The following PLXNC1 variants were observed in gnomAD, a reference collection of about 807,000 sequenced individuals.
PLXNC1 encodes plexin C1.
Under a neutral mutation model 178.2 loss-of-function variants are expected in PLXNC1, and 75 were observed. The observed-to-expected ratio is 0.42, with a 90% confidence interval of 0.35 to 0.51. PLXNC1 has a LOEUF of 0.51. Among genes scored for constraint, PLXNC1 ranks in the 20% least tolerant of loss-of-function variants. The pLI is 0.02. For missense variants in PLXNC1, 1,503 were observed against 1,984.4 expected, an observed-to-expected ratio of 0.76 and a Z score of 4.61; for synonymous variants, 790 against 779.9, an observed-to-expected ratio of 1.01 and a Z score of -0.22.
In PLXNC1 at chr12:94,181,524, A is replaced by G. The variant is rs1962305241; in HGVS notation, c.1282A>G (p.Lys428Glu). The G allele has an allele frequency of 1.9e-6, 3 of 1,608,164 alleles. No individual in the cohort carries two copies. Among genetic ancestry groups the G allele is most frequent in the Admixed American group, 3.3e-5 (2 of 59,970 alleles). The change falls in exon 3 of 31, where the codon AAA (lysine) becomes GAA (glutamate). Residue 428 changes from lysine (K) to glutamate (E), a missense_variant. Lys to Glu is a moderately conservative substitution (Grantham distance 56). Coordinates refer to ENST00000258526, the MANE Select transcript of PLXNC1 (RefSeq NM_005761.3). ...EIKEETPVFY[K>E]LVPDPVKNIY... ...TAAAGAAGAGACACCTGTTTTCTAC[A>G]AACTCGTTCCTGATCCTGTGAAGAA...
rs147842145 is a variant in PLXNC1, at chr12:94,191,063, C to T, written c.1439+4590C>T. Among the ~76,000 whole-genome samples the T allele has an allele frequency of 1.6e-4, 25 of 152,314 alleles. No individual in the cohort carries two copies. The East Asian group carries it at 4.1e-3, about 25-fold the overall frequency. On this transcript the variant is annotated intron_variant, in intron 4 of 30. Coordinates refer to ENST00000258526, the MANE Select transcript of PLXNC1 (RefSeq NM_005761.3). The stretch of plus-strand genomic sequence containing the variant: ...CTTTATTGAAATGTGCTCAGAAAAA[C>T]ATAAGTTAAATGAATGAGATAGGCT...
intron 23 of PLXNC1, among the ~76,000 whole-genome samples, chr12:94,283,925 A>G (rs1966640324): frequency 6.6e-6 from 1 of 152,090 alleles, no homozygotes; most frequent in Admixed American, 6.5e-5. Flanking sequence ...CTCTAAAAAT[A>G]CAAAAAAATT....
intron 12 of PLXNC1, among the ~76,000 whole-genome samples, chr12:94,246,027 A>G (rs1238886848): frequency 6.6e-6 from 1 of 152,212 alleles, no homozygotes; most frequent in Non-Finnish European, 1.5e-5. Flanking sequence ...GCAGTAGACT[A>G]GGGAAAGGGG....
At chr12:94,195,332 C>T (rs192291437) in intron 4 of PLXNC1, among the ~76,000 whole-genome samples, 1 of 152,272 alleles carries the variant, frequency 6.6e-6, no homozygotes, top group East Asian at 1.9e-4. Flanking sequence ...ACATCTCGTC[C>T]TGAGTCAGTT....
In PLXNC1 at chr12:94,271,018, T is replaced by G. The variant is rs527476633; in HGVS notation, c.3597+5793T>G. Among the ~76,000 whole-genome samples the G allele has an allele frequency of 1.3e-3, 200 of 152,300 alleles. 2 individuals carry two copies. The highest frequency in any genetic ancestry group is 4.6e-3 in the African/African-American group (193 of 41,566). On this transcript the variant is annotated intron_variant, in intron 21 of 30. Transcript: ENST00000258526. ...TTAGATCAGAAGTTTCCCTCAGACT[T>G]GCACTTCTAACTGGCCTCATGCTGC... is the stretch of plus-strand genomic sequence containing the variant.
intron 1 of PLXNC1, among the ~76,000 whole-genome samples, chr12:94,159,100 C>G (rs1030516660): frequency 6.6e-6 from 1 of 152,160 alleles, no homozygotes; most frequent in Non-Finnish European, 1.5e-5. Context: ...TTCTTGAGCT[C>G]CTATTATGTG....
intron 9 of PLXNC1, among the ~76,000 whole-genome samples, chr12:94,228,314 G>A (rs1208740847): frequency 6.6e-6 from 1 of 152,194 alleles, no homozygotes; most frequent in Non-Finnish European, 1.5e-5. Flanking sequence ...CTAAGACACA[G>A]CGACAAGGAC....
intron 5 of PLXNC1, among the ~76,000 whole-genome samples, chr12:94,210,109 GT>G (rs1565811228): frequency 6.6e-6 from 1 of 152,204 alleles, no homozygotes; most frequent in Non-Finnish European, 1.5e-5. Context: ...TTTGTTTAGT[GT>G]AATGGTCCCT....
At chr12:94,275,854 C>CA (rs34551603) in intron 21 of PLXNC1, among the ~76,000 whole-genome samples, 655 of 23,026 alleles carry the variant, frequency 0.028, 87 homozygotes, top group African/African-American at 0.062. Context: ...GACTCCGTCT[C>CA]AAAAAAAAAA....
At position 94,265,066 on chromosome 12, in the gene PLXNC1, T is replaced by G; in HGVS notation, c.3451-13T>G. On this transcript the variant is annotated splice_polypyrimidine_tract_variant and intron_variant, in intron 20 of 30. Transcript: ENST00000258526. ...CACAGAAAGCTAACTGTCACTTTTG[T>G]GTCTTTTCCAAGGAGACTGTCGGAG... 6.2e-7 allele frequency: 1 copy of G among 1,613,042 alleles called. No individual in the cohort carries two copies.
At chr12:94,249,788 G>A (rs938654117) in intron 14 of PLXNC1, among the ~76,000 whole-genome samples, 46 of 152,098 alleles carry the variant, frequency 3.0e-4, no homozygotes, top group African/African-American at 8.7e-4. Flanking sequence ...GAGAGCCTAC[G>A]CTGTGATGGG....
intron 2 of PLXNC1, among the ~76,000 whole-genome samples, chr12:94,172,816 C>T (rs3912399): frequency 0.72 from 108,847 of 152,076 alleles, 40,553 homozygotes; most frequent in South Asian, 0.88. Flanking sequence ...CCAAGGAAGA[C>T]GGCATTACCT....
At chr12:94,163,581 G>C (rs916000775) in intron 1 of PLXNC1, among the ~76,000 whole-genome samples, 19 of 152,202 alleles carry the variant, frequency 1.2e-4, no homozygotes, top group African/African-American at 4.6e-4. Flanking sequence ...GGGTTGGCCT[G>C]GGTGGCTGGG....
intron 12 of PLXNC1, 32 bp downstream of exon 12, chr12:94,244,057 GT>G: frequency 7.8e-7 from 1 of 1,285,076 alleles, no homozygotes; most frequent in Non-Finnish European, 1.1e-6. Flanking sequence ...AATAATAGTT[GT>G]TTTCAAGGAT....
intron 4 of PLXNC1, among the ~76,000 whole-genome samples, chr12:94,208,432 AAG>A (rs958891109): frequency 6.6e-6 from 1 of 152,288 alleles, no homozygotes; most frequent in South Asian, 2.1e-4. Context: ...TAAGAATTGA[AAG>A]AGAGAGAGAG....
intron 4 of PLXNC1, among the ~76,000 whole-genome samples, chr12:94,187,835 G>A (rs1165328881): frequency 1.3e-5 from 2 of 152,110 alleles, no homozygotes; most frequent in East Asian, 3.8e-4. Context: ...TATGAATTTG[G>A]GAGTTGGTAG....
rs138428023 is a variant in PLXNC1, at chr12:94,300,005, G to A, written c.4239-905G>A. Among the ~76,000 whole-genome samples, 648 of 152,276 alleles carry A rather than the reference G, an allele frequency of 4.3e-3. 2 individuals are homozygous for A. The highest frequency in any genetic ancestry group is 0.014 in the Middle Eastern group (4 of 294). ...TGTTGGGAGACCTAGCAGCATATGG[G>A]GGAGGTAATGAGCTAGGCCAGAGTT... On this transcript the variant is annotated intron_variant, in intron 27 of 30. Coordinates refer to ENST00000258526, the MANE Select transcript of PLXNC1 (RefSeq NM_005761.3).
chr12:94,182,385 C>T (rs192342599), intron 3 of PLXNC1, among the ~76,000 whole-genome samples: 34 of 143,094 alleles, frequency 2.4e-4, no homozygotes, highest in African/African-American at 9.0e-4. Flanking sequence ...ACCACTGTAC[C>T]CTAGCCTGGG....
chr12:94,241,230 C>T lies in PLXNC1; in HGVS notation c.2300+566C>T, dbSNP rs1000188961. On this transcript the variant is annotated intron_variant, in intron 11 of 30. Transcript: ENST00000258526. ...TGTATTTTTTGCATTTTCATGGGTA[C>T]ATAATACTTGTACATGTTTATGGGA... Among the ~76,000 whole-genome samples, 3 of 152,054 alleles carry T rather than the reference C, an allele frequency of 2.0e-5. No individual in the cohort carries two copies. In the East Asian group the frequency reaches 5.8e-4, roughly 29 times the overall value.
Sources: allele counts gnomAD v4.1 joint callset (sites outside exome capture counted in the v4.1 genomes callset), GRCh38; gene constraint gnomAD v4.1.1; transcripts MANE v1.5; gene names NCBI Gene and HGNC (gene_info 2026-07-23, HGNC 2026-07-21).